Variants in PAQR5 observed in about 807,000 individuals in gnomAD.
The protein encoded by PAQR5 is progestin and adipoQ receptor family member 5, also known as membrane progestin receptor gamma.
PAQR5 carries 20 observed loss-of-function variants against 34.5 expected under a neutral mutation model. That is an observed-to-expected ratio of 0.58 (90% CI 0.41 to 0.84). PAQR5 has a LOEUF of 0.84. Among genes scored for constraint, PAQR5 ranks in the 40% least tolerant of loss-of-function variants. The pLI, the probability that PAQR5 is intolerant of heterozygous loss-of-function variation, is 0.00. For synonymous variants in PAQR5, 131 were observed against 155.6 expected (o/e 0.84, Z 1.18); for missense variants, 378 against 412.7 (o/e 0.92, Z 0.73).
At chr15:69,348,339 G>C (rs2054825793) in intron 2 of PAQR5, among the ~76,000 whole-genome samples, 1 of 152,166 alleles carries the variant, frequency 6.6e-6, no homozygotes, top group South Asian at 2.1e-4. Context: ...TTTACAAATG[G>C]GGAAACTGAA....
At position 69,384,871 on chromosome 15, in the gene PAQR5, T is replaced by C. The variant is rs1180069473; in HGVS notation, c.374T>C (p.Leu125Pro). The change falls in exon 5 of 9, where the codon CTC becomes CCC. Residue 125 changes from leucine to proline, a missense_variant. By Grantham distance (98) the Leu-to-Pro change is moderately conservative. Coordinates refer to ENST00000395407, the MANE Select transcript of PAQR5 (RefSeq NM_017705.4). ...CYFLDYGAVN[L>P]FSLGSAIAYS... ...TTCCTGGACTATGGTGCCGTCAACC[T>C]CTTCAGCCTGGGTATGTGAGGCCTT... The C allele has an allele frequency of 7.4e-6, 12 of 1,613,492 alleles. No individual in the cohort carries two copies. Among genetic ancestry groups the C allele is most frequent in the South Asian group, 1.1e-5 (1 of 91,054 alleles).
chr15:69,374,293 G>A (rs2055643396), intron 3 of PAQR5, among the ~76,000 whole-genome samples: 1 of 152,112 alleles, frequency 6.6e-6, no homozygotes, highest in Non-Finnish European at 1.5e-5. Flanking sequence ...TGTCCTATGG[G>A]AACTAAGCAT....
At chr15:69,326,138 G>A (rs769866685) in intron 1 of PAQR5, among the ~76,000 whole-genome samples, 9 of 151,792 alleles carry the variant, frequency 5.9e-5, no homozygotes, top group African/African-American at 1.2e-4. Context: ...CATTGATGTC[G>A]TCATTTTCCA....
rs192665032 is a variant in PAQR5 at position 69,301,128 on chromosome 15, C to T, written c.-277+2072C>T. ...AAGCAATTCTCTTGCCTCAGCCTCCCGAGTAGCTGGGATTACAGGCGCCTG... is the reference window on the plus strand; with the variant it reads ...AAGCAATTCTCTTGCCTCAGCCTCCTGAGTAGCTGGGATTACAGGCGCCTG... On this transcript the variant is annotated intron_variant, in intron 1 of 8. Coordinates refer to ENST00000395407, the MANE Select transcript of PAQR5 (RefSeq NM_017705.4). 9.2e-3 allele frequency among the ~76,000 whole-genome samples: 1,388 copies of T among 151,386 alleles called. 15 individuals are homozygous for T. The highest frequency in any genetic ancestry group is 0.014 in the Non-Finnish European group (982 of 67,852).
chr15:69,395,552 C>T (rs773007309), intron 6 of PAQR5, among the ~76,000 whole-genome samples: 2 of 152,162 alleles, frequency 1.3e-5, no homozygotes, highest in East Asian at 3.9e-4. Flanking sequence ...CTAAACACCT[C>T]GGGAGCATCG....
intron 1 of PAQR5, among the ~76,000 whole-genome samples, chr15:69,319,182 T>TACAC (rs1356440671): frequency 1.9e-4 from 1 of 5,270 alleles, no homozygotes; most frequent in African/African-American, 2.2e-4. Context: ...TATATATATA[T>TACAC]ATATATATAT....
chr15:69,373,039 C>T (rs1468898698), intron 3 of PAQR5, among the ~76,000 whole-genome samples: 4 of 152,122 alleles, frequency 2.6e-5, no homozygotes, highest in Non-Finnish European at 5.9e-5. Context: ...TAGAGGCTGC[C>T]TGCTCTCCTT....
At position 69,404,615 on chromosome 15, in the gene PAQR5, A is replaced by G. The variant is rs542151191; in HGVS notation, c.*793A>G. The G allele has an allele frequency of 1.3e-5, 3 of 229,516 alleles. No individual in the cohort carries two copies. Among genetic ancestry groups the G allele is most frequent in the East Asian group, 1.7e-4 (2 of 11,478 alleles). 14.2% of individuals were successfully genotyped at this position (229,516 alleles called of 1,614,324 possible). ...ATAAGAGTTGACTGAGTTAATCCCA[A>G]TTGGTTGTGCTCATATGCCACCTTT... On this transcript the variant is annotated 3_prime_UTR_variant, in exon 9 of 9. Transcript: ENST00000395407.
intron 6 of PAQR5, 124 bp downstream of exon 6, chr15:69,389,904 C>CA: frequency 5.3e-6 from 6 of 1,126,890 alleles, no homozygotes; most frequent in Non-Finnish European, 7.6e-6. Flanking sequence ...ACCTAGGACT[C>CA]CGTTCCAGGT....
intron 1 of PAQR5, among the ~76,000 whole-genome samples, chr15:69,316,505 A>T (rs1308762360): frequency 6.6e-6 from 1 of 152,250 alleles, no homozygotes; most frequent in African/African-American, 2.4e-5. Flanking sequence ...CACTGCATTC[A>T]AATATTGTGA....
intron 1 of PAQR5, among the ~76,000 whole-genome samples, chr15:69,332,126 G>C (rs113917814): frequency 1.3e-5 from 2 of 152,288 alleles, no homozygotes; most frequent in East Asian, 3.9e-4. Flanking sequence ...CCTCTGCAAG[G>C]GTTTGATTAA....
At chr15:69,331,928 T>C (rs1314594822) in intron 1 of PAQR5, among the ~76,000 whole-genome samples, 2 of 152,202 alleles carry the variant, frequency 1.3e-5, no homozygotes, top group African/African-American at 4.8e-5. Flanking sequence ...TTTTCTCTTG[T>C]AAGTGGCTTG....
chr15:69,364,126 A>G (rs1429958222), intron 3 of PAQR5, among the ~76,000 whole-genome samples: 2 of 152,136 alleles, frequency 1.3e-5, no homozygotes, highest in African/African-American at 4.8e-5. Flanking sequence ...ATAAAAATGA[A>G]ATAGAACAGT....
At chr15:69,387,865 G>A (rs1247087078) in intron 5 of PAQR5, among the ~76,000 whole-genome samples, 1 of 151,634 alleles carries the variant, frequency 6.6e-6, no homozygotes, top group African/African-American at 2.4e-5. Context: ...GAGCCTCAGG[G>A]GCCCCTGCCC....
intron 1 of PAQR5, among the ~76,000 whole-genome samples, chr15:69,314,176 C>G (rs1236663154): frequency 6.6e-6 from 1 of 151,940 alleles, no homozygotes; most frequent in Non-Finnish European, 1.5e-5. Context: ...TCTCTAGAAC[C>G]TGACTAATCA....
intron 3 of PAQR5, among the ~76,000 whole-genome samples, chr15:69,373,581 C>T (rs1479444358): frequency 2.0e-5 from 3 of 152,142 alleles, no homozygotes; most frequent in African/African-American, 7.2e-5. Flanking sequence ...CTTTTCTTCT[C>T]TAGCACACAC....
At chr15:69,380,816 G>A (rs1174051494) in intron 4 of PAQR5, among the ~76,000 whole-genome samples, 1 of 152,198 alleles carries the variant, frequency 6.6e-6, no homozygotes, top group Non-Finnish European at 1.5e-5. Context: ...GCCGAGAGAC[G>A]GGGTGGCGTC....
chr15:69,325,071 G>T (rs1025857207), intron 1 of PAQR5, among the ~76,000 whole-genome samples: 1 of 152,028 alleles, frequency 6.6e-6, no homozygotes, highest in African/African-American at 2.4e-5. Flanking sequence ...GCTAATTTTT[G>T]TATTTTTAGT....
intron 2 of PAQR5, among the ~76,000 whole-genome samples, chr15:69,337,850 G>A (rs987013367): frequency 3.9e-5 from 6 of 152,140 alleles, no homozygotes; most frequent in African/African-American, 1.4e-4. Flanking sequence ...CCAGGTGGGT[G>A]GATTGCTTGA....
Sources: gnomAD v4.1 joint callset for allele counts (sites outside exome capture counted in the v4.1 genomes callset) on GRCh38, gnomAD v4.1.1 for gene constraint, MANE v1.5 for transcripts, NCBI Gene and HGNC (gene_info 2026-07-23, HGNC 2026-07-21) for gene names.